The following TRDN variants were observed in gnomAD, a reference collection of about 807,000 sequenced individuals.
The protein encoded by TRDN is triadin in skeletal muscle.
Under a neutral mutation model 149.7 loss-of-function variants are expected in TRDN, and 161 were observed. The ratio of observed to expected loss-of-function variants is 1.08; its 90% confidence interval spans 0.95 to 1.23. The LOEUF (loss-of-function observed/expected upper bound fraction) is 1.23, where lower values mean the gene tolerates loss of function less well. TRDN is among the 50% of genes most tolerant of loss of function. The pLI, the probability that TRDN is intolerant of heterozygous loss-of-function variation, is 0.00. For synonymous variants in TRDN, 294 were observed against 250.5 expected, an observed-to-expected ratio of 1.17 and a Z score of -1.64; for missense variants, 896 against 823.5, an observed-to-expected ratio of 1.09 and a Z score of -1.08.
intron 23 of TRDN, among the ~76,000 whole-genome samples, chr6:123,330,572 G>T (rs1779622973): frequency 6.6e-6 from 1 of 151,992 alleles, no homozygotes. Context: ...GAAAGTTTTA[G>T]TTATAATAAC....
chr6:123,284,004 G>GTATATATA (rs1562244964), intron 24 of TRDN, among the ~76,000 whole-genome samples: 1 of 58,848 alleles, frequency 1.7e-5, no homozygotes, highest in African/African-American at 1.2e-4. Flanking sequence ...ATATATATAT[G>GTATATATA]TAACAAACCT....
chr6:123,225,939 AGATTT>A (rs1775342640), intron 38 of TRDN, among the ~76,000 whole-genome samples: 1 of 151,828 alleles, frequency 6.6e-6, no homozygotes, highest in African/African-American at 2.4e-5. Context: ...TTATTTATTT[AGATTT>A]TGCATACTAA....
chr6:123,357,188 C>T (rs1780715033), intron 20 of TRDN, among the ~76,000 whole-genome samples: 1 of 151,922 alleles, frequency 6.6e-6, no homozygotes, highest in South Asian at 2.1e-4. Flanking sequence ...AAATGTATTA[C>T]TTACATTTAC....
intron 40 of TRDN, among the ~76,000 whole-genome samples, chr6:123,221,250 G>A (rs188258559): frequency 5.8e-4 from 88 of 151,868 alleles, no homozygotes; most frequent in Non-Finnish European, 1.1e-3. Context: ...AAGGATTTGC[G>A]ATAAATGCCA....
At chr6:123,309,134 C>T (rs1169774564) in intron 24 of TRDN, among the ~76,000 whole-genome samples, 2 of 151,946 alleles carry the variant, frequency 1.3e-5, no homozygotes, top group Non-Finnish European at 2.9e-5. Context: ...CTCTACATGC[C>T]ATTATGACTA....
At chr6:123,366,728 G>A (rs1370270006) in intron 19 of TRDN, among the ~76,000 whole-genome samples, 1 of 152,110 alleles carries the variant, frequency 6.6e-6, no homozygotes, top group Non-Finnish European at 1.5e-5. Flanking sequence ...ATGTTGGCCA[G>A]GCTGGTCTTG....
rs1179509040 is a variant in TRDN at position 123,503,189 on chromosome 6, T to C, written c.793+530A>G. On this transcript the variant is annotated intron_variant, in intron 8 of 40. Coordinates refer to ENST00000334268, the MANE Select transcript of TRDN (RefSeq NM_006073.4). ...AAAAAGAAACTTGAGAACTGTCTTCTCTATAACATCTTGCCTATTAAATAA... is the reference window on the plus strand; with the variant it reads ...AAAAAGAAACTTGAGAACTGTCTTCCCTATAACATCTTGCCTATTAAATAA... 25 of 984,590 alleles carry C rather than the reference T, an allele frequency of 2.5e-5. No individual in the cohort carries two copies. The South Asian group carries it at 3.3e-4, about 13-fold the overall frequency. 61.0% of individuals were successfully genotyped at this position (984,590 alleles called of 1,614,324 possible).
chr6:123,264,106 T>C (rs1359258321), intron 33 of TRDN, among the ~76,000 whole-genome samples: 2 of 152,048 alleles, frequency 1.3e-5, no homozygotes, highest in African/African-American at 2.4e-5. Flanking sequence ...AGAGTAATTT[T>C]GACATTCAAG....
intron 21 of TRDN, chr6:123,351,257 C>T (rs1309698837): frequency 4.1e-6 from 4 of 970,890 alleles, no homozygotes; most frequent in African/African-American, 1.8e-5. Flanking sequence ...GAAGTTTACA[C>T]ATTTTCATAT....
chr6:123,528,743 C>T, intron 5 of TRDN: 1 of 990,196 alleles, frequency 1.0e-6, no homozygotes, highest in Non-Finnish European at 1.2e-6. Context: ...CATTAGTCTA[C>T]CCCATTTACA....
chr6:123,424,849 C>T (rs1562306686), intron 12 of TRDN, among the ~76,000 whole-genome samples: 1 of 152,086 alleles, frequency 6.6e-6, no homozygotes, highest in Non-Finnish European at 1.5e-5. Flanking sequence ...CAGATGAAGG[C>T]AGAGCATCCA....
At chr6:123,439,454 AT>A (rs1774757391) in intron 10 of TRDN, 2 of 152,370 alleles carry the variant, frequency 1.3e-5, no homozygotes, top group Admixed American at 6.5e-5. Flanking sequence ...TTAAAAAGGT[AT>A]CTTTTGATGT....
chr6:123,606,823 T>C (rs1018625211), intron 1 of TRDN, among the ~76,000 whole-genome samples: 7 of 152,230 alleles, frequency 4.6e-5, no homozygotes, highest in African/African-American at 1.4e-4. Flanking sequence ...ATATTGCTTC[T>C]AATAAGTATT....
intron 33 of TRDN, among the ~76,000 whole-genome samples, chr6:123,263,711 C>T (rs1776847637): frequency 6.6e-6 from 1 of 152,006 alleles, no homozygotes; most frequent in Non-Finnish European, 1.5e-5. Context: ...AGAGAAAAGT[C>T]AATATCTGGC....
At chr6:123,505,701 A>C (rs1284319788) in intron 7 of TRDN, among the ~76,000 whole-genome samples, 1 of 151,906 alleles carries the variant, frequency 6.6e-6, no homozygotes, top group Admixed American at 6.6e-5. Context: ...TTACTCTATA[A>C]ACTTTTTTTT....
At chr6:123,362,161 C>T (rs1413018668) in intron 20 of TRDN, among the ~76,000 whole-genome samples, 2 of 152,152 alleles carry the variant, frequency 1.3e-5, no homozygotes, top group African/African-American at 4.8e-5. Context: ...CAAAGCTTAT[C>T]ATCAGTTGTG....
intron 24 of TRDN, among the ~76,000 whole-genome samples, chr6:123,294,926 C>G (rs749046425): frequency 1.8e-4 from 28 of 152,100 alleles, no homozygotes; most frequent in Non-Finnish European, 3.7e-4. Flanking sequence ...AGGGCCTACT[C>G]CCATAAACTC....
intron 21 of TRDN, among the ~76,000 whole-genome samples, chr6:123,347,355 T>C (rs1780293404): frequency 6.6e-6 from 1 of 152,050 alleles, no homozygotes; most frequent in African/African-American, 2.4e-5. Context: ...GACATTAAGT[T>C]CTTCTGCCCC....
chr6:123,484,570 C>T (rs570593733), intron 9 of TRDN, among the ~76,000 whole-genome samples: 2 of 152,086 alleles, frequency 1.3e-5, no homozygotes, highest in Admixed American at 6.6e-5. Flanking sequence ...TTATTTCTTC[C>T]TTTTCAGACT....
Sources: allele counts gnomAD v4.1 joint callset (sites outside exome capture counted in the v4.1 genomes callset), GRCh38; gene constraint gnomAD v4.1.1; transcripts MANE v1.5; gene names NCBI Gene and HGNC (gene_info 2026-07-23, HGNC 2026-07-21).